CRK: variants seen among roughly 807,000 people sequenced by gnomAD.
CRK encodes the protein adapter molecule crk.
A neutral mutation model predicts 29.8 loss-of-function variants in CRK; 4 were observed. The observed-to-expected ratio is 0.13, with a 90% CI of 0.07 to 0.31. CRK has a LOEUF of 0.31. Among genes scored for constraint, CRK ranks in the 10% least tolerant of loss-of-function variants. CRK has a pLI of 1.00. For synonymous variants in CRK, 153 were observed against 164.9 expected, an observed-to-expected ratio of 0.93 and a Z score of 0.55; for missense variants, 274 against 396.5, an observed-to-expected ratio of 0.69 and a Z score of 2.62.
intron 1 of CRK, among the ~76,000 whole-genome samples, chr17:1,441,612 C>T (rs920118384): frequency 6.6e-5 from 10 of 152,022 alleles, no homozygotes; most frequent in African/African-American, 1.7e-4. Context: ...CTGCCTCAGC[C>T]TCCCGAGTAG....
chr17:1,444,496 G>A (rs557240939), intron 1 of CRK, among the ~76,000 whole-genome samples: 12 of 151,334 alleles, frequency 7.9e-5, no homozygotes, highest in Non-Finnish European at 1.6e-4. Context: ...CTGCCCTCCA[G>A]CCTGGGTAAC....
intron 1 of CRK, among the ~76,000 whole-genome samples, chr17:1,454,601 A>C (rs917185682): frequency 6.6e-6 from 1 of 152,230 alleles, no homozygotes; most frequent in African/African-American, 2.4e-5. Context: ...GAGTAAATCT[A>C]AATTAGAACT....
chr17:1,444,617 T>A (rs1598302687), intron 1 of CRK, among the ~76,000 whole-genome samples: 1 of 128,088 alleles, frequency 7.8e-6, no homozygotes, highest in Non-Finnish European at 1.7e-5. Context: ...TCACCTGAGA[T>A]CGGGAGTTCG....
chr17:1,449,615 A>G (rs1326060418), intron 1 of CRK, among the ~76,000 whole-genome samples: 2 of 152,172 alleles, frequency 1.3e-5, no homozygotes, highest in Non-Finnish European at 2.9e-5. Flanking sequence ...GCTCAAGCTT[A>G]TAACGACTCT....
intron 2 of CRK, among the ~76,000 whole-genome samples, chr17:1,432,175 C>A (rs1335632143): frequency 6.6e-6 from 1 of 152,064 alleles, no homozygotes; most frequent in East Asian, 1.9e-4. Context: ...TTTGAGACTG[C>A]ACTCTGAATG....
intron 2 of CRK, among the ~76,000 whole-genome samples, chr17:1,435,518 C>G (rs1298887176): frequency 6.6e-6 from 1 of 151,764 alleles, no homozygotes; most frequent in African/African-American, 2.4e-5. Context: ...ACACACAGCA[C>G]CATGCCAGAT....
intron 2 of CRK, among the ~76,000 whole-genome samples, chr17:1,424,252 A>G (rs2073755357): frequency 6.6e-6 from 1 of 151,916 alleles, no homozygotes; most frequent in African/African-American, 2.4e-5. Context: ...TTTTTAGTAG[A>G]GATGGAGTTT....
chr17:1,451,512 A>G (rs2074018111), intron 1 of CRK, among the ~76,000 whole-genome samples: 1 of 151,892 alleles, frequency 6.6e-6, no homozygotes, highest in African/African-American at 2.4e-5. Context: ...AATTACAGGC[A>G]TGAGCCACTG....
At chr17:1,436,548 A>G in intron 2 of CRK, 72 bp downstream of exon 2, 1 of 1,474,708 alleles carries the variant, frequency 6.8e-7, no homozygotes, top group Non-Finnish European at 9.1e-7. Flanking sequence ...CAGCATTGCT[A>G]CAAAGCTCTA....
intron 1 of CRK, among the ~76,000 whole-genome samples, chr17:1,448,619 T>G (rs2073993251): frequency 2.5e-5 from 1 of 40,068 alleles, no homozygotes; most frequent in Non-Finnish European, 4.0e-5. Flanking sequence ...AGACTCCATC[T>G]CAAAAAAAAA....
chr17:1,453,761 G>C (rs1021194038), intron 1 of CRK, among the ~76,000 whole-genome samples: 4 of 152,026 alleles, frequency 2.6e-5, no homozygotes, highest in Non-Finnish European at 5.9e-5. Flanking sequence ...ACAAAAACTA[G>C]CCAGGCGTAG....
At position 1,421,616 on chromosome 17, in the gene CRK, TAC is replaced by T. The variant is rs1318985450; in HGVS notation, c.*1895_*1896del. 1 of 152,202 alleles carries T rather than the reference TAC, an allele frequency of 6.6e-6. No individual in the cohort carries two copies. Among genetic ancestry groups the T allele is most frequent in the Non-Finnish European group, 1.5e-5 (1 of 68,036 alleles). The allele number at this position is 152,202 out of a possible 1,614,324, so 9.4% of individuals were successfully genotyped here. A position where few individuals can be genotyped will look rare whatever the true frequency, so the allele number is the denominator to read the frequency against. On this transcript the variant is annotated 3_prime_UTR_variant, in exon 3 of 3. Coordinates refer to ENST00000300574, the MANE Select transcript of CRK (RefSeq NM_016823.4). Reference sequence around the variant, plus strand: ...ACGCGTTAGTCTGCTTGCGGCCATGTACGGAATCCTGGGCCAGCTGGCTTCCC... The same window carrying T: ...ACGCGTTAGTCTGCTTGCGGCCATGTGGAATCCTGGGCCAGCTGGCTTCCC...
At chr17:1,432,776 C>CAAAAAAAAA (rs11453666) in intron 2 of CRK, among the ~76,000 whole-genome samples, 1 of 80,060 alleles carries the variant, frequency 1.2e-5, no homozygotes. Context: ...GACTCCGTCT[C>CAAAAAAAAA]AAAAAAAAAA....
rs534593254 is a variant in CRK at position 1,450,225 on chromosome 17, A to G, written c.241+5652T>C. Among the ~76,000 whole-genome samples the G allele has an allele frequency of 3.3e-5, 5 of 152,000 alleles. No homozygotes were observed. The East Asian group carries it at 9.7e-4, about 29-fold the overall frequency. On this transcript the variant is annotated intron_variant, in intron 1 of 2. Transcript: ENST00000300574. Reference sequence around the variant, plus strand: ...GTCTCAAAACATAAATAAAGTTTAAAAAATAAGGCGCGGTGGCTCAGGCCT... The same window carrying G: ...GTCTCAAAACATAAATAAAGTTTAAGAAATAAGGCGCGGTGGCTCAGGCCT...
At chr17:1,442,238 T>A (rs1375480619) in intron 1 of CRK, among the ~76,000 whole-genome samples, 1 of 151,534 alleles carries the variant, frequency 6.6e-6, no homozygotes, top group Non-Finnish European at 1.5e-5. Flanking sequence ...CACTGCAGCC[T>A]CCACTTCCTA....
intron 2 of CRK, among the ~76,000 whole-genome samples, chr17:1,427,637 T>C (rs2073793913): frequency 6.6e-6 from 1 of 151,668 alleles, no homozygotes; most frequent in African/African-American, 2.4e-5. Flanking sequence ...CTTTATTCTT[T>C]TTGTTTGTTT....
chr17:1,441,150 A>T (rs1451536329), intron 1 of CRK, among the ~76,000 whole-genome samples: 1 of 152,034 alleles, frequency 6.6e-6, no homozygotes, highest in Non-Finnish European at 1.5e-5. Context: ...CCAGTCTCGA[A>T]TTCCTGAGCT....
rs1771887803 is a variant in CRK, at chr17:1,421,330, GT to G, written c.*2182del. 6.6e-6 allele frequency: 1 copy of G among 152,146 alleles called. No individual in the cohort carries two copies. Among genetic ancestry groups the G allele is most frequent in the Non-Finnish European group, 1.5e-5 (1 of 68,038 alleles). The allele number at this position is 152,146 out of a possible 1,614,324, so 9.4% of individuals were successfully genotyped here. ...GAACATTCAAATCAGTTGTGACAAG[GT>G]TTTTCTACAAGTATTTTTGATGCCA... On this transcript the variant is annotated 3_prime_UTR_variant, in exon 3 of 3. Transcript: ENST00000300574.
At chr17:1,433,864 T>G (rs1434924998) in intron 2 of CRK, among the ~76,000 whole-genome samples, 2 of 149,312 alleles carry the variant, frequency 1.3e-5, no homozygotes, top group African/African-American at 5.0e-5. Context: ...CCTGGCTAAT[T>G]TTTAAAAACA....
Sources: gnomAD v4.1 joint callset for allele counts (sites outside exome capture counted in the v4.1 genomes callset) on GRCh38, gnomAD v4.1.1 for gene constraint, MANE v1.5 for transcripts, NCBI Gene and HGNC (gene_info 2026-07-23, HGNC 2026-07-21) for gene names.